The following ZNF768 variants were observed in gnomAD, a reference collection of about 807,000 sequenced individuals.
The protein encoded by ZNF768 is zinc finger protein 768.
ZNF768 carries 12 observed loss-of-function variants against 39.7 expected under a neutral mutation model. The ratio of observed to expected loss-of-function variants is 0.30; its 90% confidence interval spans 0.19 to 0.49. The LOEUF (loss-of-function observed/expected upper bound fraction) is 0.49. Ranked by LOEUF, ZNF768 falls within the 20% of genes least tolerant of loss-of-function variation. ZNF768 has a pLI of 0.99. For synonymous variants in ZNF768, 360 were observed against 288.4 expected (o/e 1.25, Z -2.52); for missense variants, 613 against 723.2 (o/e 0.85, Z 1.75).
the ZNF768 span, chr16:30,532,437 G>T: frequency 9.1e-6 from 14 of 1,533,596 alleles, no homozygotes; most frequent in Non-Finnish European, 1.2e-5. Context: ...CGCTGCAGAG[G>T]TTCGGGCCCC....
At chr16:30,530,327 A>AT (rs1304554832), upstream of ZNF768, 1 of 152,158 alleles carries the variant, frequency 6.6e-6, no homozygotes, top group Non-Finnish European at 1.5e-5. This position sits in a 1 kb window ranked among gnomAD's most constrained non-coding sequence, Gnocchi z 4.4. Context: ...TTTCTGGGCC[A>AT]TAAGTAAACT....
chr16:30,524,543 G>T lies in ZNF768; in HGVS notation c.1597C>A (p.Arg533=), dbSNP rs756053580. ...SQSSDLIRHQ[R]THAAGRR Reference sequence around the variant, plus strand: ...CAGCGCCGGCCCGCCGCGTGGGTCCGCTGGTGGCGGATGAGGTCGGAGCTC... The same window carrying T: ...CAGCGCCGGCCCGCCGCGTGGGTCCTCTGGTGGCGGATGAGGTCGGAGCTC... The change falls in exon 2 of 2, where the codon CGG becomes AGG. Residue 533 remains arginine, a synonymous_variant. Coordinates refer to ENST00000380412, the MANE Select transcript of ZNF768 (RefSeq NM_024671.4). The T allele has an allele frequency of 1.2e-6, 2 of 1,610,346 alleles. No individual in the cohort carries two copies. Among genetic ancestry groups the T allele is most frequent in the East Asian group, 4.5e-5 (2 of 44,888 alleles).
chr16:30,525,987 G>A lies in ZNF768; in HGVS notation c.153C>T (p.Val51=), dbSNP rs750011016. Residue 51 remains valine, a synonymous_variant, in exon 2 of 2, where the codon GTC becomes GTT. Coordinates refer to ENST00000380412, the MANE Select transcript of ZNF768 (RefSeq NM_024671.4). ...GTTCAAGCCCAAATGGTATCTCTTC[G>A]ACTTCATAGTCCCCACTGCCTTCTT... ...SQQEGSGDYE[V]EEIPFGLEPQ... is the part of the protein sequence containing the mutation. 6.6e-6 allele frequency: 10 copies of A among 1,503,804 alleles called. No homozygotes were observed. The East Asian group carries it at 1.9e-4, about 28-fold the overall frequency. 93.2% of individuals were successfully genotyped at this position (1,503,804 alleles called of 1,614,324 possible).
At chr16:30,526,785 C>A (rs1322307327), upstream of ZNF768, 1 of 799,708 alleles carries the variant, frequency 1.3e-6, no homozygotes, top group Non-Finnish European at 1.5e-6. Context: ...GTCCAACGGC[C>A]GCCCAGCACC....
rs2051299481 is a variant in ZNF768 at position 30,524,349 on chromosome 16, C to T, written c.*168G>A. On this transcript the variant is annotated 3_prime_UTR_variant, in exon 2 of 2. Transcript: ENST00000380412. Reference sequence around the variant, plus strand: ...GGCCTGGCCTCCCTCCAACCCACTTCCCACAAGTCTCCAGGGCATGTCACT... The same window carrying T: ...GGCCTGGCCTCCCTCCAACCCACTTTCCACAAGTCTCCAGGGCATGTCACT... The T allele has an allele frequency of 2.5e-6, 3 of 1,194,892 alleles. No individual in the cohort carries two copies. The highest frequency in any genetic ancestry group is 3.4e-6 in the Non-Finnish European group (3 of 883,800). The allele number at this position is 1,194,892 out of a possible 1,614,324, so 74.0% of individuals were successfully genotyped here.
intron 1 of ZNF768, 98 bp from the exon 2 acceptor site, chr16:30,526,149 C>T (rs2051321552): frequency 6.7e-7 from 1 of 1,498,794 alleles, no homozygotes; most frequent in Non-Finnish European, 8.9e-7. Flanking sequence ...GTCGCTGGCC[C>T]CTAGACAAGT....
Position 30,525,291 on chromosome 16 carries a change from G to A in ZNF768, c.849C>T (p.His283=), listed in dbSNP as rs771991672. ...CACATTTGTAGGGCTTCTCACCGGT[G>A]TGGATGCGCTGGTGCTGGATCAGGG... is the stretch of plus-strand genomic sequence containing the variant. ...GSTLIQHQRI[H]TGEKPYKCEV... Residue 283 remains histidine (H), a synonymous_variant, in exon 2 of 2, where the codon CAC becomes CAT. Coordinates refer to ENST00000380412, the MANE Select transcript of ZNF768 (RefSeq NM_024671.4). The A allele has an allele frequency of 6.2e-7, 1 of 1,614,238 alleles. No homozygotes were observed. The highest frequency in any genetic ancestry group is 8.5e-7 in the Non-Finnish European group (1 of 1,180,034).
Position 30,525,589 on chromosome 16 carries a change from C to T in ZNF768, c.551G>A (p.Ser184Asn). 1.2e-6 allele frequency: 2 copies of T among 1,614,236 alleles called. No homozygotes were observed. The highest frequency in any genetic ancestry group is 1.1e-5 in the South Asian group (1 of 91,092). Residue 184 changes from serine (S) to asparagine (N), a missense_variant, in exon 2 of 2, where the codon AGT becomes AAT. Transcript: ENST00000380412. Reference protein sequence around the residue: ...AEMLLNPEEKSPLNISVGVHP... With the variant: ...AEMLLNPEEKNPLNISVGVHP... ...AACTCCTACGGAGATATTCAAAGGA[C>T]TCTTTTCCTCGGGGTTCAGAAGCAT...
Position 30,525,838 on chromosome 16 carries a change from G to A in ZNF768, c.302C>T (p.Ala101Val). 6.5e-7 allele frequency: 1 copy of A among 1,530,646 alleles called. No individual in the cohort carries two copies. The highest frequency in any genetic ancestry group is 8.7e-7 in the Non-Finnish European group (1 of 1,144,120). The allele number at this position is 1,530,646 out of a possible 1,614,324, so 94.8% of individuals were successfully genotyped here. ...PGLVPPSPEFAPRSPESDSQS... is the reference protein window; with the variant it reads ...PGLVPPSPEFVPRSPESDSQS... ...AGAATCTGATTCAGGGCTTCTGGGT[G>A]CAAACTCAGGGCTTGGGGGCACAAG... Residue 101 changes from alanine to valine, a missense_variant, in exon 2 of 2, where the codon GCA (alanine) becomes GTA (valine). Coordinates refer to ENST00000380412, the MANE Select transcript of ZNF768 (RefSeq NM_024671.4).
At chr16:30,527,112 C>T, upstream of ZNF768, 3 of 985,400 alleles carry the variant, frequency 3.0e-6, no homozygotes, top group African/African-American at 5.2e-5. Context: ...AGGAGCGACG[C>T]TTCCCGGCGC....
At chr16:30,532,215 C>T in the ZNF768 span, 3 of 552,514 alleles carry the variant, frequency 5.4e-6, no homozygotes, top group African/African-American at 3.8e-5. Flanking sequence ...CCTCAATCCT[C>T]TTAGCATCTC....
At chr16:30,528,450 A>T (rs1158531994), upstream of ZNF768, among the ~76,000 whole-genome samples, 1 of 152,158 alleles carries the variant, frequency 6.6e-6, no homozygotes, top group East Asian at 1.9e-4. Context: ...GCTACTTGGG[A>T]GGCTGAGGCA....
At chr16:30,526,767 G>GCTGCA, upstream of ZNF768, 1 of 850,966 alleles carries the variant, frequency 1.2e-6, no homozygotes. Context: ...CCCGGGCTGG[G>GCTGCA]CTGCACTGTC....
At chr16:30,526,224 G>T in intron 1 of ZNF768, 102 bp downstream of exon 1, 1 of 1,549,234 alleles carries the variant, frequency 6.5e-7, no homozygotes, top group South Asian at 1.2e-5. Context: ...CCCCTCCTTC[G>T]AGTCCCAGGT....
At position 30,524,363 on chromosome 16, in the gene ZNF768, G is replaced by A; in HGVS notation, c.*154C>T. ...CCAACCCACTTCCCACAAGTCTCCA[G>A]GGCATGTCACTTCCTCCACCCTGGT... On this transcript the variant is annotated 3_prime_UTR_variant, in exon 2 of 2. Coordinates refer to ENST00000380412, the MANE Select transcript of ZNF768 (RefSeq NM_024671.4). The A allele has an allele frequency of 3.1e-6, 4 of 1,279,554 alleles. No individual in the cohort carries two copies. The highest frequency in any genetic ancestry group is 4.2e-6 in the Non-Finnish European group (4 of 957,366). 79.3% of individuals were successfully genotyped at this position (1,279,554 alleles called of 1,614,324 possible).
chr16:30,524,251 CCCA>C lies in ZNF768; in HGVS notation c.*263_*265del, dbSNP rs958058350. The C allele has an allele frequency of 2.1e-6, 1 of 467,838 alleles. No individual in the cohort carries two copies. Among genetic ancestry groups the C allele is most frequent in the African/African-American group, 2.0e-5 (1 of 49,730 alleles). 29.0% of individuals were successfully genotyped at this position (467,838 alleles called of 1,614,324 possible). ...GCTCTAGCAGTTGCCAAGCCAGGCACCCACCAAGGAGCCGCGGCTGAGGCCAGC... is the reference window on the plus strand; with the variant it reads ...GCTCTAGCAGTTGCCAAGCCAGGCACCCAAGGAGCCGCGGCTGAGGCCAGC... On this transcript the variant is annotated 3_prime_UTR_variant, in exon 2 of 2. Coordinates refer to ENST00000380412, the MANE Select transcript of ZNF768 (RefSeq NM_024671.4).
At chr16:30,531,267 T>C (rs2051370046), upstream of ZNF768, 1 of 152,242 alleles carries the variant, frequency 6.6e-6, no homozygotes, top group Non-Finnish European at 1.5e-5. Context: ...TTGGGAGTTC[T>C]GGCTCCGGCC....
chr16:30,532,347 G>A, the ZNF768 span: 3 of 849,538 alleles, frequency 3.5e-6, no homozygotes, highest in East Asian at 2.6e-5. Flanking sequence ...GCTGGCAGAA[G>A]AGGCTGCTGA....
rs1302597339 is a variant in ZNF768 at position 30,526,452 on chromosome 16, G to A, written c.-39C>T. 2.6e-6 allele frequency: 4 copies of A among 1,510,306 alleles called. No homozygotes were observed. The African/African-American group carries it at 5.8e-5, about 22-fold the overall frequency. The allele number at this position is 1,510,306 out of a possible 1,614,324, so 93.6% of individuals were successfully genotyped here. ...CAGTGCAGCGGCGGCGGCGATGGCG[G>A]CCGATCCCGCGACCCGGCCTCGGTT... On this transcript the variant is annotated 5_prime_UTR_variant, in exon 1 of 2. Coordinates refer to ENST00000380412, the MANE Select transcript of ZNF768 (RefSeq NM_024671.4).
Sources: allele counts gnomAD v4.1 joint callset (sites outside exome capture counted in the v4.1 genomes callset), GRCh38; gene constraint gnomAD v4.1.1; non-coding constraint Gnocchi (gnomAD v3.1); transcripts MANE v1.5; gene names NCBI Gene and HGNC (gene_info 2026-07-23, HGNC 2026-07-21).